SIDT1: variants seen among roughly 807,000 people sequenced by gnomAD.
The protein encoded by SIDT1 is SID1 transmembrane family member 1, also known as SID1 transmembrane family, member 1.
A neutral mutation model predicts 107.5 loss-of-function variants in SIDT1; 101 were observed. That is an observed-to-expected ratio of 0.94 (90% CI 0.80 to 1.11). The LOEUF (loss-of-function observed/expected upper bound fraction) is 1.11, where lower values mean the gene tolerates loss of function less well. Ranked by LOEUF, SIDT1 falls within the 50% of genes least tolerant of loss-of-function variation. The pLI is 0.00. For missense variants in SIDT1, 1,076 were observed against 1,058.2 expected (o/e 1.02, Z -0.23); for synonymous variants, 395 against 398.2 (o/e 0.99, Z 0.10).
chr3:113,590,668 A>G (rs1944081749), intron 9 of SIDT1, among the ~76,000 whole-genome samples: 1 of 152,254 alleles, frequency 6.6e-6, no homozygotes, highest in Non-Finnish European at 1.5e-5. Flanking sequence ...CTACACTAGC[A>G]ATGAGCAATC....
chr3:113,636,384 T>C, the SIDT1 span, among the ~76,000 whole-genome samples: 4 of 151,992 alleles, frequency 2.6e-5, no homozygotes, highest in South Asian at 6.2e-4. Context: ...GCCTGGACAA[T>C]AGAGCGAGAC....
chr3:113,581,557 T>A, intron 6 of SIDT1, 113 bp downstream of exon 6: 1 of 830,848 alleles, frequency 1.2e-6, no homozygotes, highest in Non-Finnish European at 2.0e-6. Flanking sequence ...TAGGATCTCC[T>A]TCCTTTCTGA....
intron 9 of SIDT1, among the ~76,000 whole-genome samples, chr3:113,586,152 G>A (rs569423289): frequency 2.6e-5 from 4 of 152,198 alleles, no homozygotes; most frequent in Non-Finnish European, 4.4e-5. Context: ...TAACTGCCTC[G>A]ATGACCTGTA....
intron 12 of SIDT1, 140 bp from the exon 13 acceptor site, chr3:113,603,820 T>C (rs1945134555): frequency 6.6e-6 from 4 of 604,578 alleles, no homozygotes; most frequent in Non-Finnish European, 1.1e-5. Context: ...TAATCAAATT[T>C]AGTAAATTTG....
chr3:113,593,999 T>C (rs1339298027), intron 10 of SIDT1, among the ~76,000 whole-genome samples: 1 of 152,218 alleles, frequency 6.6e-6, no homozygotes, highest in Non-Finnish European at 1.5e-5. Context: ...TCATAGGTTA[T>C]TTGGCATAGA....
chr3:113,625,016 T>C (rs559313482), intron 23 of SIDT1, among the ~76,000 whole-genome samples: 14 of 152,306 alleles, frequency 9.2e-5, no homozygotes, highest in African/African-American at 3.4e-4. Flanking sequence ...TTGTGAACAG[T>C]GCTGTAATAA....
chr3:113,563,583 G>T (rs1416440151), intron 1 of SIDT1, among the ~76,000 whole-genome samples: 1 of 152,188 alleles, frequency 6.6e-6, no homozygotes, highest in Non-Finnish European at 1.5e-5. Flanking sequence ...AATCCGGAAC[G>T]TGGGTTCTTC....
In SIDT1 at chr3:113,604,917, A is replaced by C; in HGVS notation, c.1345A>C (p.Ile449Leu). The C allele has an allele frequency of 6.2e-7, 1 of 1,614,132 alleles. No homozygotes were observed. Among genetic ancestry groups the C allele is most frequent in the South Asian group, 1.1e-5 (1 of 91,086 alleles). The change falls in exon 14 of 25, where the codon ATC (isoleucine) becomes CTC (leucine). Residue 449 changes from isoleucine to leucine, a missense_variant. By Grantham distance (5) the Ile-to-Leu change is conservative. Coordinates refer to ENST00000264852, the MANE Select transcript of SIDT1 (RefSeq NM_017699.3). ...KKYKIYFWNI[I>L]TIAVFYALPV... is the part of the protein sequence containing the mutation. The stretch of plus-strand genomic sequence containing the variant: ...TTCTTTCTGCCTGCATAGGAACATC[A>C]TCACCATTGCTGTGTTTTACGCGCT...
chr3:113,554,382 G>C lies in SIDT1; in HGVS notation c.223-12038G>C, dbSNP rs188821842. Reference sequence around the variant, plus strand: ...CATCCAAATCTCATCTTGAATTGTAGCTCCCGTAATCCCCATGTGTCATGG... The same window carrying C: ...CATCCAAATCTCATCTTGAATTGTACCTCCCGTAATCCCCATGTGTCATGG... On this transcript the variant is annotated intron_variant, in intron 1 of 24. Transcript: ENST00000264852. Among the ~76,000 whole-genome samples, 316 of 152,256 alleles carry C rather than the reference G, an allele frequency of 2.1e-3. 1 individual carries two copies. The highest frequency in any genetic ancestry group is 4.1e-3 in the Non-Finnish European group (276 of 68,008).
intron 10 of SIDT1, among the ~76,000 whole-genome samples, chr3:113,595,571 C>T (rs1055208237): frequency 1.3e-5 from 2 of 149,032 alleles, no homozygotes; most frequent in African/African-American, 5.0e-5. Flanking sequence ...AGAGCAAGAC[C>T]GTGTCTCAAA....
At chr3:113,572,469 C>G (rs891526830) in intron 3 of SIDT1, among the ~76,000 whole-genome samples, 2 of 152,162 alleles carry the variant, frequency 1.3e-5, no homozygotes, top group Non-Finnish European at 2.9e-5. Flanking sequence ...TGGAGTAGAA[C>G]TTCGTCTTTC....
chr3:113,634,601 G>A, the SIDT1 span, among the ~76,000 whole-genome samples: 4 of 152,160 alleles, frequency 2.6e-5, no homozygotes, highest in South Asian at 8.3e-4. Context: ...TTCAAGCCCA[G>A]CTTGGCCAAC....
chr3:113,575,573 G>A (rs1942834137), intron 3 of SIDT1, among the ~76,000 whole-genome samples: 2 of 152,192 alleles, frequency 1.3e-5, no homozygotes, highest in Admixed American at 6.5e-5. Context: ...CCTCAACATT[G>A]ATTATGATTT....
chr3:113,598,380 A>G (rs1409292491), intron 10 of SIDT1, among the ~76,000 whole-genome samples: 2 of 152,212 alleles, frequency 1.3e-5, no homozygotes, highest in Non-Finnish European at 2.9e-5. Flanking sequence ...TTACACACAC[A>G]GACAGAGAAC....
At chr3:113,626,631 T>C (rs1384591479) in intron 24 of SIDT1, among the ~76,000 whole-genome samples, 2 of 152,186 alleles carry the variant, frequency 1.3e-5, no homozygotes, top group African/African-American at 4.8e-5. Context: ...ACAAATATTT[T>C]ACATATTCCT....
chr3:113,597,281 A>G (rs149541616), intron 10 of SIDT1, among the ~76,000 whole-genome samples: 5 of 152,144 alleles, frequency 3.3e-5, no homozygotes, highest in African/African-American at 7.2e-5. Flanking sequence ...TGGATTGCCT[A>G]CAGTCAGCAG....
chr3:113,632,988 A>T (rs1372921217), downstream of SIDT1: 3 of 152,184 alleles, frequency 2.0e-5, no homozygotes, highest in African/African-American at 4.8e-5. Flanking sequence ...ACAAGAAGAG[A>T]ACATCCTTAT....
intron 7 of SIDT1, 101 bp downstream of exon 7, chr3:113,583,597 T>C (rs770618361): frequency 1.6e-5 from 13 of 795,136 alleles, no homozygotes; most frequent in Non-Finnish European, 2.3e-5. Flanking sequence ...AAACAAGGGT[T>C]GGTTCCATCA....
rs1016943616 is a variant in SIDT1 at position 113,621,501 on chromosome 3, A to G, written c.2090+1775A>G. 3.3e-5 allele frequency among the ~76,000 whole-genome samples: 5 copies of G among 152,304 alleles called. No homozygotes were observed. In the South Asian group the frequency reaches 8.3e-4, roughly 25 times the overall value. On this transcript the variant is annotated intron_variant, in intron 21 of 24. Coordinates refer to ENST00000264852, the MANE Select transcript of SIDT1 (RefSeq NM_017699.3). The stretch of plus-strand genomic sequence containing the variant: ...AATTCAAAATGAACAAAGAGAGTCC[A>G]TTAATAGTACTTTACACTTTAAATA...
Sources: gnomAD v4.1 joint callset for allele counts (sites outside exome capture counted in the v4.1 genomes callset) on GRCh38, gnomAD v4.1.1 for gene constraint, MANE v1.5 for transcripts, NCBI Gene and HGNC (gene_info 2026-07-23, HGNC 2026-07-21) for gene names.